Variants in DUSP14 observed in about 807,000 individuals in gnomAD.
DUSP14 encodes the protein dual specificity phosphatase 14.
Under a neutral mutation model 13.2 loss-of-function variants are expected in DUSP14, and 5 were observed. The ratio of observed to expected loss-of-function variants is 0.38; its 90% confidence interval spans 0.20 to 0.80. The LOEUF (loss-of-function observed/expected upper bound fraction) is 0.80, where lower values mean the gene tolerates loss of function less well. Among genes scored for constraint, DUSP14 ranks in the 30% least tolerant of loss-of-function variants. DUSP14 has a pLI of 0.44. For missense variants in DUSP14, 185 were observed against 264.0 expected (o/e 0.70, Z 2.07); for synonymous variants, 91 against 103.4 (o/e 0.88, Z 0.73).
chr17:37,498,306 G>C (rs963783900), intron 1 of DUSP14, among the ~76,000 whole-genome samples: 23 of 132,290 alleles, frequency 1.7e-4, no homozygotes, highest in Non-Finnish European at 3.6e-4. Context: ...TTGTGTACTA[G>C]ATTGTATCTT....
intron 1 of DUSP14, among the ~76,000 whole-genome samples, chr17:37,504,394 T>G (rs1186102038): frequency 6.6e-6 from 1 of 152,156 alleles, no homozygotes; most frequent in Non-Finnish European, 1.5e-5. Flanking sequence ...TTATGTATCT[T>G]ATGTGTATTT....
chr17:37,490,142 C>T (rs1597964311), intron 1 of DUSP14, among the ~76,000 whole-genome samples, 184 bp downstream of exon 1: 1 of 150,972 alleles, frequency 6.6e-6, no homozygotes, highest in Admixed American at 6.6e-5. Context: ...CTCTTCGGGG[C>T]GGCCCGCGGA....
intron 1 of DUSP14, among the ~76,000 whole-genome samples, 200 bp downstream of exon 1, chr17:37,490,158 G>C (rs1234729981): frequency 6.6e-6 from 1 of 151,006 alleles, no homozygotes; most frequent in East Asian, 2.0e-4. Context: ...GCGGAGGAGA[G>C]GCCCGAGACC....
intron 1 of DUSP14, among the ~76,000 whole-genome samples, chr17:37,496,923 A>G (rs2054069254): frequency 7.0e-6 from 1 of 142,374 alleles, no homozygotes. Context: ...CTCAAAAAAA[A>G]AAAAAAAAAA....
intron 1 of DUSP14, among the ~76,000 whole-genome samples, chr17:37,495,341 ACCC>A (rs2054056437): frequency 2.0e-5 from 3 of 152,086 alleles, no homozygotes; most frequent in Non-Finnish European, 4.4e-5. Flanking sequence ...AGCTTTTCAC[ACCC>A]CATGCCATGT....
chr17:37,492,859 C>T (rs1420866331), intron 1 of DUSP14, among the ~76,000 whole-genome samples: 1 of 152,130 alleles, frequency 6.6e-6, no homozygotes, highest in Non-Finnish European at 1.5e-5. Context: ...TTATGGAAAT[C>T]ATTTCCTTCT....
Position 37,513,013 on chromosome 17 carries a change from GAGAT to G in DUSP14, c.*147_*150del, listed in dbSNP as rs1172937001. The G allele has an allele frequency of 1.5e-6, 1 of 687,444 alleles. No homozygotes were observed. Among genetic ancestry groups the G allele is most frequent in the Admixed American group, 2.7e-5 (1 of 37,614 alleles). The allele number at this position is 687,444 out of a possible 1,614,324, so 42.6% of individuals were successfully genotyped here. ...CACTGGGTGTTCAAATTTATTTTAA[GAGAT>G]AGGGAGGGAGGGGACATAAAGGGAA... On this transcript the variant is annotated 3_prime_UTR_variant, in exon 3 of 3. Coordinates refer to ENST00000617516, the MANE Select transcript of DUSP14 (RefSeq NM_007026.4).
intron 1 of DUSP14, chr17:37,491,370 C>G (rs2054027093): frequency 6.6e-6 from 1 of 152,278 alleles, no homozygotes; most frequent in African/African-American, 2.4e-5. Context: ...GAGACCCTGA[C>G]CTGAGGGAGG....
intron 1 of DUSP14, among the ~76,000 whole-genome samples, chr17:37,492,827 T>TA (rs2143043664): frequency 6.6e-6 from 1 of 152,336 alleles, no homozygotes; most frequent in South Asian, 2.1e-4. Context: ...CCAGAGGTCC[T>TA]AGCCAGAAAC....
chr17:37,510,091 G>A (rs1231142197), intron 1 of DUSP14: 2 of 152,250 alleles, frequency 1.3e-5, no homozygotes, highest in African/African-American at 4.8e-5. Context: ...AGCACCGCCT[G>A]TAATTAGCGT....
chr17:37,509,220 T>A (rs542070698), intron 1 of DUSP14, among the ~76,000 whole-genome samples: 3 of 105,086 alleles, frequency 2.9e-5, no homozygotes, highest in Admixed American at 9.1e-5. Flanking sequence ...ATATATACAC[T>A]ATATATACAC....
At chr17:37,490,712 T>A (rs1013363252) in intron 1 of DUSP14, among the ~76,000 whole-genome samples, 2 of 151,848 alleles carry the variant, frequency 1.3e-5, no homozygotes, top group East Asian at 1.9e-4. Context: ...TTTTTTTTTT[T>A]AAAACCACCT....
chr17:37,505,073 G>A (rs1044273929), intron 1 of DUSP14, among the ~76,000 whole-genome samples: 2 of 152,090 alleles, frequency 1.3e-5, no homozygotes, highest in African/African-American at 4.8e-5. Flanking sequence ...TGTATTTTTA[G>A]TAGAGACAGG....
chr17:37,496,936 AAAAG>A (rs752800000), intron 1 of DUSP14, among the ~76,000 whole-genome samples: 39 of 136,444 alleles, frequency 2.9e-4, no homozygotes, highest in Non-Finnish European at 4.8e-4. Context: ...AAAAAAAAAG[AAAAG>A]AAAATTATTG....
chr17:37,491,760 C>G (rs868679053), intron 1 of DUSP14: 17 of 152,084 alleles, frequency 1.1e-4, no homozygotes, highest in African/African-American at 4.1e-4. Context: ...TTAGGGAGGG[C>G]TATGTTTGAT....
At chr17:37,511,585 CTTTTTTTT>C (rs533256343) in intron 2 of DUSP14, among the ~76,000 whole-genome samples, 1,265 of 87,312 alleles carry the variant, frequency 0.014, 33 homozygotes, top group Middle Eastern at 0.042. Context: ...CTGGCCTTTC[CTTTTTTTT>C]TTTTTTTTTT....
chr17:37,508,967 T>C (rs1281626551), intron 1 of DUSP14, among the ~76,000 whole-genome samples: 1 of 145,290 alleles, frequency 6.9e-6, no homozygotes, highest in Non-Finnish European at 1.5e-5. Context: ...GGTTCATCAG[T>C]AGGTGAATGG....
chr17:37,506,265 C>A (rs1352288484), intron 1 of DUSP14, among the ~76,000 whole-genome samples: 1 of 149,708 alleles, frequency 6.7e-6, no homozygotes, highest in Non-Finnish European at 1.5e-5. Flanking sequence ...ACTCCATCTC[C>A]CCCCCGCCCC....
intron 1 of DUSP14, among the ~76,000 whole-genome samples, 162 bp downstream of exon 1, chr17:37,490,120 G>A (rs1301072605): frequency 6.6e-6 from 1 of 151,350 alleles, no homozygotes; most frequent in Non-Finnish European, 1.5e-5. Flanking sequence ...CCTGCTCCCT[G>A]GCGGTCCTTG....
Sources: gnomAD v4.1 joint callset for allele counts (sites outside exome capture counted in the v4.1 genomes callset) on GRCh38, gnomAD v4.1.1 for gene constraint, MANE v1.5 for transcripts, NCBI Gene and HGNC (gene_info 2026-07-23, HGNC 2026-07-21) for gene names.